The following NCKAP5 variants were observed in gnomAD, a reference collection of about 807,000 sequenced individuals.
NCKAP5 encodes nck-associated protein 5.
A neutral mutation model predicts 167.0 loss-of-function variants in NCKAP5; 92 were observed. That is an observed-to-expected ratio of 0.55 (90% CI 0.47 to 0.66). NCKAP5 has a LOEUF of 0.66. Among genes scored for constraint, NCKAP5 ranks in the 30% least tolerant of loss-of-function variants. The pLI is 0.00. For missense variants in NCKAP5, 2,378 were observed against 2,315.0 expected (o/e 1.03, Z -0.56); for synonymous variants, 891 against 877.4 (o/e 1.02, Z -0.27).
intron 7 of NCKAP5, among the ~76,000 whole-genome samples, chr2:132,989,043 A>T (rs2077377808): frequency 6.6e-6 from 1 of 152,178 alleles, no homozygotes; most frequent in Non-Finnish European, 1.5e-5. Context: ...GAGTTAGCTA[A>T]TGTGATTCAA....
Position 132,728,800 on chromosome 2 carries a change from TC to T in NCKAP5, c.5580+15del. 6.2e-7 allele frequency: 1 copy of T among 1,612,674 alleles called. No homozygotes were observed. On this transcript the variant is annotated intron_variant, in intron 18 of 19. Transcript: ENST00000409261. Reference sequence around the variant, plus strand: ...CAACAGGTGGATTGCACCCTTCACCTCCCCCGACCCCTCACCTGGGTCCCGG... The same window carrying T: ...CAACAGGTGGATTGCACCCTTCACCTCCCCGACCCCTCACCTGGGTCCCGG...
At chr2:133,554,786 T>C (rs1687619543) in intron 2 of NCKAP5, among the ~76,000 whole-genome samples, 1 of 151,794 alleles carries the variant, frequency 6.6e-6, no homozygotes, top group South Asian at 2.1e-4. Flanking sequence ...GTGATTGGGG[T>C]CCCTATAAAA....
At chr2:132,767,902 A>C (rs1681658592) in intron 16 of NCKAP5, among the ~76,000 whole-genome samples, 1 of 152,230 alleles carries the variant, frequency 6.6e-6, no homozygotes, top group Non-Finnish European at 1.5e-5. Flanking sequence ...AGTAGGGAGA[A>C]GAGCACCTCA....
chr2:133,329,639 C>G (rs1334499477), intron 3 of NCKAP5, among the ~76,000 whole-genome samples: 1 of 152,130 alleles, frequency 6.6e-6, no homozygotes. Context: ...TAAGGTTACA[C>G]ACAAGGGAGA....
intron 6 of NCKAP5, among the ~76,000 whole-genome samples, chr2:133,023,938 C>T (rs912724284): frequency 1.3e-5 from 2 of 152,094 alleles, no homozygotes; most frequent in South Asian, 2.1e-4. Context: ...GGAACTTATT[C>T]CCTATCAGTC....
chr2:133,496,897 G>A (rs1682000824), intron 3 of NCKAP5, among the ~76,000 whole-genome samples: 2 of 152,114 alleles, frequency 1.3e-5, no homozygotes. Context: ...GCAAAAAGTA[G>A]GCACCATAAG....
chr2:132,903,908 A>G (rs549142871), intron 8 of NCKAP5, among the ~76,000 whole-genome samples: 73 of 152,286 alleles, frequency 4.8e-4, no homozygotes, highest in African/African-American at 1.7e-3. Context: ...AGGGGTATAA[A>G]ATATACATTG....
At chr2:133,498,201 A>T (rs1324529757) in intron 3 of NCKAP5, among the ~76,000 whole-genome samples, 1 of 152,176 alleles carries the variant, frequency 6.6e-6, no homozygotes, top group African/African-American at 2.4e-5. Flanking sequence ...ACTGTGTTGA[A>T]GAGCAAGCTC....
intron 5 of NCKAP5, among the ~76,000 whole-genome samples, chr2:133,167,070 G>A (rs956207303): frequency 2.0e-5 from 3 of 152,154 alleles, no homozygotes; most frequent in South Asian, 2.1e-4. Context: ...GTTGTGGTCT[G>A]TAATAAAAAA....
intron 8 of NCKAP5, among the ~76,000 whole-genome samples, chr2:132,959,495 C>A (rs2076445136): frequency 6.6e-6 from 1 of 152,140 alleles, no homozygotes; most frequent in Non-Finnish European, 1.5e-5. Flanking sequence ...GCCAAGGGAA[C>A]ATCCAGCTTC....
chr2:133,332,567 T>C (rs951179567), intron 3 of NCKAP5, among the ~76,000 whole-genome samples: 26 of 152,322 alleles, frequency 1.7e-4, no homozygotes, highest in African/African-American at 4.8e-4. Flanking sequence ...AGTCAATATA[T>C]ATAATTATTG....
chr2:133,206,456 C>G (rs1262133588), intron 5 of NCKAP5, among the ~76,000 whole-genome samples: 1 of 152,152 alleles, frequency 6.6e-6, no homozygotes, highest in Non-Finnish European at 1.5e-5. Context: ...ACATTTATCA[C>G]TTCCCTAATA....
rs528979747 is a variant in NCKAP5 at position 132,956,512 on chromosome 2, C to G, written c.579+7208G>C. ...CCCTAGCCTGCTTGCAGATCTCATTCTTGCATTCATACTTCTCTCTCCCGC... is the reference window on the plus strand; with the variant it reads ...CCCTAGCCTGCTTGCAGATCTCATTGTTGCATTCATACTTCTCTCTCCCGC... On this transcript the variant is annotated intron_variant, in intron 8 of 19. Coordinates refer to ENST00000409261, the MANE Select transcript of NCKAP5 (RefSeq NM_207363.3). 3.2e-3 allele frequency among the ~76,000 whole-genome samples: 481 copies of G among 152,328 alleles called. 2 individuals carry two copies. Among genetic ancestry groups the G allele is most frequent in the Non-Finnish European group, 4.5e-3 (309 of 68,024 alleles).
the NCKAP5 span, among the ~76,000 whole-genome samples, chr2:133,609,105 C>T: frequency 2.0e-5 from 3 of 152,314 alleles, no homozygotes; most frequent in South Asian, 4.1e-4. Flanking sequence ...TTATAAAGTG[C>T]TATTCACGAG....
In NCKAP5 at chr2:132,796,633, C is replaced by T; in HGVS notation, c.904G>A (p.Val302Met). Residue 302 changes from valine to methionine, a missense_variant, in exon 12 of 20, where the codon GTG (valine) becomes ATG (methionine). Physicochemically the swap from Val to Met is conservative, Grantham distance 21 (BLOSUM62 1). Coordinates refer to ENST00000409261, the MANE Select transcript of NCKAP5 (RefSeq NM_207363.3). ...AAGGCAACTGGGAAACTCACGTGCA[C>T]CTCAGCATCAGTTCGTGACTGTGTC... ...SLTQSRTDAE[V>M]HEHQLNTKSA... 1 of 1,610,616 alleles carries T rather than the reference C, an allele frequency of 6.2e-7. No homozygotes were observed. The highest frequency in any genetic ancestry group is 8.5e-7 in the Non-Finnish European group (1 of 1,177,730).
At position 132,996,074 on chromosome 2, in the gene NCKAP5, G is replaced by A. The variant is rs150409680; in HGVS notation, c.342-1835C>T. Among the ~76,000 whole-genome samples the A allele has an allele frequency of 5.3e-3, 811 of 152,192 alleles. 5 individuals carry two copies. The highest frequency in any genetic ancestry group is 0.018 in the African/African-American group (739 of 41,514). On this transcript the variant is annotated intron_variant, in intron 6 of 19. Coordinates refer to ENST00000409261, the MANE Select transcript of NCKAP5 (RefSeq NM_207363.3). ...GGGTCAGGATCATCAGGATGTCACC[G>A]GCCAACAGGAATTTTTCAGCTCCAT... is the stretch of plus-strand genomic sequence containing the variant.
At chr2:133,615,817 G>T in the NCKAP5 span, among the ~76,000 whole-genome samples, 11 of 152,046 alleles carry the variant, frequency 7.2e-5, no homozygotes, top group Non-Finnish European at 1.3e-4. Context: ...GACAACTACA[G>T]AACTCTCCAC....
intron 6 of NCKAP5, among the ~76,000 whole-genome samples, chr2:133,043,756 T>C (rs2149462747): frequency 6.6e-6 from 1 of 152,282 alleles, no homozygotes; most frequent in East Asian, 1.9e-4. Context: ...TCCTTGCTTT[T>C]CCCCATCCGT....
At chr2:133,051,168 C>T (rs919034459) in intron 6 of NCKAP5, among the ~76,000 whole-genome samples, 4 of 152,150 alleles carry the variant, frequency 2.6e-5, no homozygotes, top group African/African-American at 9.7e-5. Context: ...TAAAAGCCAA[C>T]TTCCTAATTA....
Sources: gnomAD v4.1 joint callset for allele counts (sites outside exome capture counted in the v4.1 genomes callset) on GRCh38, gnomAD v4.1.1 for gene constraint, MANE v1.5 for transcripts, NCBI Gene and HGNC (gene_info 2026-07-23, HGNC 2026-07-21) for gene names.